Variants in PCDHA1 observed in about 807,000 individuals in gnomAD.
PCDHA1 encodes protocadherin alpha 1.
A neutral mutation model predicts 61.3 loss-of-function variants in PCDHA1; 42 were observed. The observed-to-expected ratio is 0.69, with a 90% CI of 0.54 to 0.89. PCDHA1 has a LOEUF of 0.89. PCDHA1 is among the 40% of genes least tolerant of loss of function. PCDHA1 has a pLI of 0.00. For missense variants in PCDHA1, 1,256 were observed against 1,235.3 expected (o/e 1.02, Z -0.25); for synonymous variants, 610 against 553.8 (o/e 1.10, Z -1.43).
intron 1 of PCDHA1, among the ~76,000 whole-genome samples, chr5:140,900,759 A>G (rs1419646582): frequency 6.6e-6 from 1 of 152,044 alleles, no homozygotes; most frequent in Non-Finnish European, 1.5e-5. Context: ...TGGTAGCTCT[A>G]TTTTTGGCTT....
At chr5:140,849,771 A>G in intron 1 of PCDHA1, 1 of 1,598,330 alleles carries the variant, frequency 6.3e-7, no homozygotes, top group Non-Finnish European at 8.6e-7. Flanking sequence ...GCTGGTGGTT[A>G]CCGCGCGGGA....
At chr5:140,829,658 C>A in intron 1 of PCDHA1, 8 of 1,612,628 alleles carry the variant, frequency 5.0e-6, no homozygotes, top group Non-Finnish European at 6.8e-6. Flanking sequence ...GCTGCAGCCG[C>A]TGGACCACGA....
intron 1 of PCDHA1, among the ~76,000 whole-genome samples, chr5:140,961,987 C>T (rs1411300268): frequency 1.3e-5 from 2 of 151,942 alleles, no homozygotes; most frequent in African/African-American, 4.8e-5. Context: ...GGGTTCACGC[C>T]ATTGTCCTGC....
At chr5:140,994,288 C>G (rs2097610720) in intron 3 of PCDHA1, among the ~76,000 whole-genome samples, 4 of 152,150 alleles carry the variant, frequency 2.6e-5, no homozygotes, top group Admixed American at 6.5e-5. Flanking sequence ...TGAGACAGTC[C>G]CCAGATTGTT....
At chr5:140,835,454 C>G (rs2150236138) in intron 1 of PCDHA1, 5 of 1,613,928 alleles carry the variant, frequency 3.1e-6, no homozygotes, top group Non-Finnish European at 4.2e-6. Context: ...CCCTGTCTCT[C>G]CCTATTCCAG....
chr5:140,842,396 G>A, intron 1 of PCDHA1: 2 of 1,611,442 alleles, frequency 1.2e-6, no homozygotes, highest in South Asian at 2.2e-5. Context: ...ATCCTTGCCT[G>A]TACGTGAAGA....
intron 1 of PCDHA1, chr5:140,822,947 A>T: frequency 6.2e-7 from 1 of 1,614,242 alleles, no homozygotes. Context: ...CTAATGCCCC[A>T]CGTTCCCTTC....
intron 1 of PCDHA1, chr5:140,849,931 C>T (rs2150458140): frequency 1.9e-6 from 3 of 1,598,012 alleles, no homozygotes; most frequent in Non-Finnish European, 1.7e-6. Flanking sequence ...ACGGTGTCTG[C>T]GCGGGACGCT....
chr5:140,873,931 G>A (rs2054580396), intron 1 of PCDHA1, among the ~76,000 whole-genome samples: 1 of 152,172 alleles, frequency 6.6e-6, no homozygotes, highest in African/African-American at 2.4e-5. Flanking sequence ...AAAGTGCTGG[G>A]ATTACAGGTG....
intron 3 of PCDHA1, among the ~76,000 whole-genome samples, chr5:140,990,570 C>T (rs142596715): frequency 7.2e-4 from 110 of 152,260 alleles, no homozygotes; most frequent in African/African-American, 2.4e-3. Context: ...CACACCTGTT[C>T]GATCTCTTTT....
chr5:140,992,470 G>T (rs1027762445), intron 3 of PCDHA1, among the ~76,000 whole-genome samples: 2 of 152,192 alleles, frequency 1.3e-5, no homozygotes, highest in African/African-American at 4.8e-5. Context: ...GTACTCTTTA[G>T]ATCACCCAGA....
chr5:140,869,750 A>T (rs1467855920), intron 1 of PCDHA1: 1 of 1,613,280 alleles, frequency 6.2e-7, no homozygotes, highest in Non-Finnish European at 8.5e-7. Context: ...ACAGCTACAG[A>T]CGGGGGAAAA....
intron 1 of PCDHA1, chr5:140,834,395 G>T (rs2150216541): frequency 6.3e-7 from 1 of 1,598,712 alleles, no homozygotes; most frequent in Non-Finnish European, 8.5e-7. Context: ...TGGTGTGCCC[G>T]AATGGATACG....
At chr5:140,904,440 A>G (rs1455600144) in intron 1 of PCDHA1, among the ~76,000 whole-genome samples, 1 of 151,204 alleles carries the variant, frequency 6.6e-6, no homozygotes, top group Non-Finnish European at 1.5e-5. Flanking sequence ...TATGTATATT[A>G]CAATTTCTTT....
chr5:140,906,816 G>A (rs574852506), intron 1 of PCDHA1, among the ~76,000 whole-genome samples: 6 of 152,360 alleles, frequency 3.9e-5, no homozygotes, highest in African/African-American at 1.4e-4. Context: ...TACCTCCACT[G>A]TGGAGTAGTA....
In PCDHA1 at chr5:140,849,535, C is replaced by T. The variant is rs2150439874; in HGVS notation, c.2394+60851C>T. On this transcript the variant is annotated intron_variant, in intron 1 of 3. Transcript: ENST00000504120. ...GAAGTTGTGGATGTAAATGACAATG[C>T]TCCACAGTTGACTATCAAAACGCTC... 25 of 1,597,860 alleles carry T rather than the reference C, an allele frequency of 1.6e-5. 1 individual carries two copies. In the East Asian group the frequency reaches 4.7e-4, roughly 30 times the overall value.
chr5:140,808,998 A>G, intron 1 of PCDHA1: 2 of 1,613,614 alleles, frequency 1.2e-6, no homozygotes, highest in Non-Finnish European at 1.7e-6. Flanking sequence ...TCGGGCTACA[A>G]CGCGTGGCTT....
chr5:140,832,882 G>A (rs1772196387), intron 1 of PCDHA1, among the ~76,000 whole-genome samples: 2 of 152,140 alleles, frequency 1.3e-5, no homozygotes, highest in Admixed American at 6.6e-5. Flanking sequence ...GTTATAAAAT[G>A]GAAAGAGTTT....
intron 1 of PCDHA1, chr5:140,834,227 A>G: frequency 1.4e-6 from 1 of 708,706 alleles, no homozygotes; most frequent in Non-Finnish European, 2.3e-6. Context: ...AGCAAAAGGA[A>G]GTCATTCCTT....
Sources: gnomAD v4.1 joint callset for allele counts (sites outside exome capture counted in the v4.1 genomes callset) on GRCh38, gnomAD v4.1.1 for gene constraint, MANE v1.5 for transcripts, NCBI Gene and HGNC (gene_info 2026-07-23, HGNC 2026-07-21) for gene names.